CEP43: variants seen among roughly 807,000 people sequenced by gnomAD.
CEP43 encodes the protein centrosomal protein 43.
In CEP43, 36 loss-of-function variants were observed where a neutral mutation model predicts 52.6. The ratio of observed to expected loss-of-function variants is 0.68; its 90% confidence interval spans 0.52 to 0.90. CEP43 has a LOEUF of 0.90. CEP43 is among the 40% of genes least tolerant of loss of function. The pLI is 0.00. For missense variants in CEP43, 506 were observed against 472.8 expected, an observed-to-expected ratio of 1.07 and a Z score of -0.65; for synonymous variants, 192 against 172.4, an observed-to-expected ratio of 1.11 and a Z score of -0.89.
chr6:167,039,370 C>G (rs1181599950), intron 12 of CEP43, among the ~76,000 whole-genome samples: 4 of 152,206 alleles, frequency 2.6e-5, no homozygotes, highest in African/African-American at 9.6e-5. Flanking sequence ...CTCAGGTGAT[C>G]CGCCTGCCTC....
chr6:167,032,608 G>A lies in CEP43; in HGVS notation c.994G>A (p.Gly332Arg), dbSNP rs796114473. The A allele has an allele frequency of 2.5e-6, 4 of 1,576,032 alleles. No individual in the cohort carries two copies. In the Admixed American group the frequency reaches 5.2e-5, roughly 21 times the overall value. ...DKIGSLGLGTGEDDDYVDDFN... is the reference protein window; with the variant it reads ...DKIGSLGLGTREDDDYVDDFN... ...TCTTTTCTTAAACTTATCAGGAACT[G>A]GAGAAGATGATGACTATGTTGATGA... Residue 332 changes from glycine to arginine, a missense_variant, in exon 11 of 13, where the codon GGA becomes AGA. Coordinates refer to ENST00000366847, the MANE Select transcript of CEP43 (RefSeq NM_007045.4).
At chr6:167,008,043 G>T (rs541103992) in intron 5 of CEP43, among the ~76,000 whole-genome samples, 1 of 151,526 alleles carries the variant, frequency 6.6e-6, no homozygotes, top group African/African-American at 2.4e-5. Context: ...CTGCACTGCC[G>T]ACTCAGGAGT....
At chr6:167,036,077 C>T (rs1444363211) in intron 12 of CEP43, 2 of 984,766 alleles carry the variant, frequency 2.0e-6, no homozygotes, top group African/African-American at 3.5e-5. Context: ...CAAATTTATG[C>T]AGGATCAGAG....
chr6:167,016,799 A>C (rs1226445743), intron 7 of CEP43, among the ~76,000 whole-genome samples: 2 of 152,102 alleles, frequency 1.3e-5, no homozygotes, highest in Non-Finnish European at 2.9e-5. Flanking sequence ...TTAGTAAGTC[A>C]TGGATCAGAA....
chr6:167,003,850 T>C (rs2128657340), intron 4 of CEP43, 39 bp downstream of exon 4: 2 of 1,212,458 alleles, frequency 1.6e-6, no homozygotes, highest in East Asian at 4.7e-5. Flanking sequence ...TTTGAAACCT[T>C]TGATACAAAT....
intron 10 of CEP43, among the ~76,000 whole-genome samples, chr6:167,030,099 A>T (rs2128666328): frequency 6.6e-6 from 1 of 152,380 alleles, no homozygotes; most frequent in South Asian, 2.1e-4. Context: ...CTGGATGTAC[A>T]CGTGCAGGAC....
At chr6:167,007,893 C>G (rs894994140) in intron 5 of CEP43, among the ~76,000 whole-genome samples, 26 of 152,226 alleles carry the variant, frequency 1.7e-4, no homozygotes, top group Non-Finnish European at 3.8e-4. Flanking sequence ...TTCAGCACCT[C>G]TACCATGTAG....
At chr6:167,036,644 A>C (rs1178120319) in intron 12 of CEP43, 1 of 985,390 alleles carries the variant, frequency 1.0e-6, no homozygotes, top group South Asian at 4.7e-5. Flanking sequence ...GCTTGCTATC[A>C]CAGGGATCCT....
At chr6:167,036,075 T>C (rs1215809165) in intron 12 of CEP43, 11 of 985,148 alleles carry the variant, frequency 1.1e-5, no homozygotes, top group African/African-American at 1.7e-5. Flanking sequence ...CTCAAATTTA[T>C]GCAGGATCAG....
In CEP43 at chr6:166,999,493, C is replaced by CG; in HGVS notation, c.85dup (p.Val29GlyfsTer8). 6.7e-7 allele frequency: 1 copy of CG among 1,481,498 alleles called. No individual in the cohort carries two copies. The highest frequency in any genetic ancestry group is 2.3e-5 in the Admixed American group (1 of 42,846). The allele number at this position is 1,481,498 out of a possible 1,614,324, so 91.8% of individuals were successfully genotyped here. A position where few individuals can be genotyped will look rare whatever the true frequency, so the allele number is the denominator to read the frequency against. ...TGCTGGTGCAGACGCTGGAGAACAG[C>CG]GGGGTCCTGAACCGCATCAAGGTGA... On this transcript the variant is annotated frameshift_variant, in exon 1 of 13. Coordinates refer to ENST00000366847, the MANE Select transcript of CEP43 (RefSeq NM_007045.4). LOFTEE classifies it high-confidence loss of function.
chr6:167,009,735 C>T (rs893786280), intron 5 of CEP43, among the ~76,000 whole-genome samples: 3 of 150,188 alleles, frequency 2.0e-5, no homozygotes, highest in African/African-American at 7.4e-5. Flanking sequence ...ACTTGAGAGG[C>T]TGAGGTGGGA....
At chr6:167,013,470 T>A (rs753042951) in intron 6 of CEP43, 38 bp from the exon 7 acceptor site, 20 of 1,532,006 alleles carry the variant, frequency 1.3e-5, no homozygotes, top group Non-Finnish European at 1.7e-5. Flanking sequence ...TAAAGATTTC[T>A]ATTTTGTGGT....
At chr6:167,011,923 A>G (rs1461883758) in intron 6 of CEP43, among the ~76,000 whole-genome samples, 1 of 152,190 alleles carries the variant, frequency 6.6e-6, no homozygotes, top group Non-Finnish European at 1.5e-5. Flanking sequence ...GGATTTCAAC[A>G]TAGGAGCTGG....
At position 167,040,765 on chromosome 6, in the gene CEP43, C is replaced by CATTA. The variant is rs1204375388; in HGVS notation, c.*789_*792dup. ...CTTGAAACTTAAATGCATCTGAAAC[C>CATTA]ATTAAGCAGTGCTTTTATTTCAGAT... On this transcript the variant is annotated 3_prime_UTR_variant, in exon 13 of 13. Coordinates refer to ENST00000366847, the MANE Select transcript of CEP43 (RefSeq NM_007045.4). 1.3e-6 allele frequency: 1 copy of CATTA among 761,700 alleles called. No individual in the cohort carries two copies. The highest frequency in any genetic ancestry group is 1.9e-5 in the African/African-American group (1 of 51,476). 47.2% of individuals were successfully genotyped at this position (761,700 alleles called of 1,614,324 possible).
chr6:167,026,799 A>G (rs1177680726), intron 10 of CEP43, among the ~76,000 whole-genome samples, 184 bp downstream of exon 10: 1 of 152,248 alleles, frequency 6.6e-6, no homozygotes, highest in Middle Eastern at 3.2e-3. Context: ...CTACAGCAAC[A>G]GCCATCATGT....
chr6:166,999,810 G>A, intron 1 of CEP43: 2 of 555,578 alleles, frequency 3.6e-6, no homozygotes, highest in South Asian at 2.3e-5. Flanking sequence ...CCGCAGCTGG[G>A]CCCTGGAGTG....
rs1467646323 is a variant in CEP43 at position 167,020,150 on chromosome 6, C to T, written c.580-2259C>T. Among the ~76,000 whole-genome samples, 7 of 152,250 alleles carry T rather than the reference C, an allele frequency of 4.6e-5. No homozygotes were observed. The South Asian group carries it at 1.0e-3, about 23-fold the overall frequency. On this transcript the variant is annotated intron_variant, in intron 7 of 12. Transcript: ENST00000366847. ...ATATTTGATAATACCAGGAAAATGTCAAGAAAGTTGTTAGGAAATTTTTGA... is the reference window on the plus strand; with the variant it reads ...ATATTTGATAATACCAGGAAAATGTTAAGAAAGTTGTTAGGAAATTTTTGA...
At chr6:167,022,698 T>G in intron 8 of CEP43, 63 bp downstream of exon 8, 1 of 1,095,296 alleles carries the variant, frequency 9.1e-7, no homozygotes, top group Non-Finnish European at 1.3e-6. Context: ...TGTTTTCATT[T>G]TATAGTTAAA....
At chr6:167,029,234 A>G (rs1780416690) in intron 10 of CEP43, among the ~76,000 whole-genome samples, 1 of 152,260 alleles carries the variant, frequency 6.6e-6, no homozygotes, top group Admixed American at 6.5e-5. Context: ...AAGGGCAGAT[A>G]AGACAGAGGG....
Sources: allele counts gnomAD v4.1 joint callset (sites outside exome capture counted in the v4.1 genomes callset), GRCh38; gene constraint gnomAD v4.1.1; transcripts MANE v1.5; gene names NCBI Gene and HGNC (gene_info 2026-07-23, HGNC 2026-07-21).